AIG1: variants seen among roughly 807,000 people sequenced by gnomAD.
AIG1 encodes androgen induced 1.
A neutral mutation model predicts 31.4 loss-of-function variants in AIG1; 23 were observed. That is an observed-to-expected ratio of 0.73 (90% confidence interval 0.53 to 1.04). The LOEUF is 1.04. Among genes scored for constraint, AIG1 ranks in the 50% least tolerant of loss-of-function variants. The pLI is 0.00. For synonymous variants in AIG1, 100 were observed against 110.5 expected (o/e 0.90, Z 0.60); for missense variants, 274 against 295.0 (o/e 0.93, Z 0.52).
intron 3 of AIG1, among the ~76,000 whole-genome samples, chr6:143,265,326 A>G (rs1796082195): frequency 6.6e-6 from 1 of 152,252 alleles, no homozygotes. Context: ...TCTTTGTTAA[A>G]TAATCGTCAT....
chr6:143,124,698 A>G (rs1782542636), intron 1 of AIG1, among the ~76,000 whole-genome samples: 1 of 152,190 alleles, frequency 6.6e-6, no homozygotes, highest in Non-Finnish European at 1.5e-5. Flanking sequence ...AGGTCTCAGG[A>G]AACTTACAAT....
At chr6:143,063,420 G>A (rs1315190888) in intron 1 of AIG1, among the ~76,000 whole-genome samples, 1 of 152,188 alleles carries the variant, frequency 6.6e-6, no homozygotes, top group Non-Finnish European at 1.5e-5. Flanking sequence ...CTGTGAGAAA[G>A]TATGTCTGAG....
chr6:143,165,989 T>C (rs888593833), intron 3 of AIG1, among the ~76,000 whole-genome samples: 1 of 152,084 alleles, frequency 6.6e-6, no homozygotes, highest in East Asian at 1.9e-4. Context: ...TCCCAGGGTG[T>C]TCCTGGTGAA....
At chr6:143,114,843 C>T (rs192147642) in intron 1 of AIG1, among the ~76,000 whole-genome samples, 2 of 152,248 alleles carry the variant, frequency 1.3e-5, no homozygotes, top group East Asian at 3.9e-4. Context: ...TTTTCTGTGC[C>T]TCTACTTCTT....
intron 3 of AIG1, among the ~76,000 whole-genome samples, chr6:143,273,158 G>C (rs1457208454): frequency 6.6e-6 from 1 of 152,184 alleles, no homozygotes; most frequent in Non-Finnish European, 1.5e-5. Flanking sequence ...ATATTTTAAA[G>C]AAGAGAACCA....
At position 143,312,649 on chromosome 6, in the gene AIG1, C is replaced by T. The variant is rs566871802; in HGVS notation, c.516-20633C>T. On this transcript the variant is annotated intron_variant, in intron 4 of 5. Coordinates refer to ENST00000357847, the MANE Select transcript of AIG1 (RefSeq NM_016108.4). Reference sequence around the variant, plus strand: ...AAATTCTCTAGGACATTGGACTGGCCAAAGATTTCTTGAGATACCCTACAA... The same window carrying T: ...AAATTCTCTAGGACATTGGACTGGCTAAAGATTTCTTGAGATACCCTACAA... 3.9e-5 allele frequency among the ~76,000 whole-genome samples: 6 copies of T among 151,916 alleles called. No homozygotes were observed. In the South Asian group the frequency reaches 1.2e-3, roughly 32 times the overall value.
intron 2 of AIG1, among the ~76,000 whole-genome samples, chr6:143,142,816 T>G (rs763179041): frequency 1.3e-5 from 2 of 152,218 alleles, no homozygotes; most frequent in Non-Finnish European, 2.9e-5. Context: ...AATGGGACTG[T>G]ATGGTATCTG....
intron 3 of AIG1, among the ~76,000 whole-genome samples, chr6:143,217,235 CTG>C (rs1214495606): frequency 1.3e-5 from 2 of 152,138 alleles, no homozygotes; most frequent in Non-Finnish European, 2.9e-5. Context: ...CTTCCAATCA[CTG>C]TGTTTTTTTG....
chr6:143,229,784 C>CAAAAAAAAAAAAAAAAAAAAAAAAA (rs751464049), intron 3 of AIG1, among the ~76,000 whole-genome samples: 1 of 80,712 alleles, frequency 1.2e-5, no homozygotes, highest in Non-Finnish European at 2.9e-5. Context: ...ACTCTCAGAA[C>CAAAAAAAAAAAAAAAAAAAAAAAAA]AAAAAAAAAA....
intron 1 of AIG1, among the ~76,000 whole-genome samples, chr6:143,111,658 C>G (rs1781287334): frequency 6.6e-6 from 1 of 152,242 alleles, no homozygotes; most frequent in Non-Finnish European, 1.5e-5. Flanking sequence ...TTGGACCTCT[C>G]CATTTGAGTG....
intron 4 of AIG1, among the ~76,000 whole-genome samples, chr6:143,289,074 T>C (rs951029457): frequency 2.6e-5 from 4 of 152,104 alleles, no homozygotes; most frequent in African/African-American, 7.2e-5. Flanking sequence ...AGAGAATGGA[T>C]GGTAAATGTC....
In AIG1 at chr6:143,076,964, CCCGG is replaced by C. The variant is rs781307500; in HGVS notation, c.141+15901_141+15904del. Reference sequence around the variant, plus strand: ...GGGATTACAGGTGTGAGCGACCGTGCCCGGCCTTGAATATTTTTTAATATTTAAC... The same window carrying C: ...GGGATTACAGGTGTGAGCGACCGTGCCCTTGAATATTTTTTAATATTTAAC... On this transcript the variant is annotated intron_variant, in intron 1 of 5. Transcript: ENST00000357847. Among the ~76,000 whole-genome samples, 28 of 152,160 alleles carry C rather than the reference CCCGG, an allele frequency of 1.8e-4. 1 individual carries two copies. The highest frequency in any genetic ancestry group is 2.9e-5 in the Non-Finnish European group (2 of 68,028).
In AIG1 at chr6:143,284,089, C is replaced by T. The variant is rs1337843701; in HGVS notation, c.400-21C>T. 6.4e-7 allele frequency: 1 copy of T among 1,559,326 alleles called. No homozygotes were observed. Among genetic ancestry groups the T allele is most frequent in the South Asian group, 1.1e-5 (1 of 89,578 alleles). On this transcript the variant is annotated intron_variant, in intron 3 of 5. Coordinates refer to ENST00000357847, the MANE Select transcript of AIG1 (RefSeq NM_016108.4). This position sits in a 1 kb window ranked among gnomAD's most constrained non-coding sequence, Gnocchi z 4.4. The stretch of plus-strand genomic sequence containing the variant: ...AGACAATGATAGCAATCTGTGTCAC[C>T]TAGTCTCTGTTATTTTCCAGCACAC...
chr6:143,080,356 A>T (rs749249380), intron 1 of AIG1, among the ~76,000 whole-genome samples: 1 of 152,174 alleles, frequency 6.6e-6, no homozygotes, highest in Admixed American at 6.5e-5. Flanking sequence ...TTGAAGAACC[A>T]TTTGTAGTTT....
intron 3 of AIG1, among the ~76,000 whole-genome samples, chr6:143,277,465 C>T (rs1314365354): frequency 6.6e-6 from 1 of 152,198 alleles, no homozygotes; most frequent in African/African-American, 2.4e-5. Flanking sequence ...AAGATATGCA[C>T]GTTGCAAAGA....
intron 3 of AIG1, among the ~76,000 whole-genome samples, chr6:143,197,753 G>A (rs1583483121): frequency 6.6e-6 from 1 of 152,282 alleles, no homozygotes; most frequent in Non-Finnish European, 1.5e-5. Flanking sequence ...CTCACTGTAG[G>A]TCAGGAACAT....
At chr6:143,108,335 G>A (rs2128489035) in intron 1 of AIG1, among the ~76,000 whole-genome samples, 1 of 152,282 alleles carries the variant, frequency 6.6e-6, no homozygotes, top group East Asian at 1.9e-4. Context: ...CTCAATGTAA[G>A]ACAATATCTT....
chr6:143,235,997 G>A (rs546921341), intron 3 of AIG1, among the ~76,000 whole-genome samples: 1 of 152,292 alleles, frequency 6.6e-6, no homozygotes, highest in South Asian at 2.1e-4. Context: ...GAGATGAGAA[G>A]ACCTTCCTAC....
At chr6:143,247,063 CT>C (rs917079154) in intron 3 of AIG1, among the ~76,000 whole-genome samples, 19 of 152,316 alleles carry the variant, frequency 1.2e-4, no homozygotes, top group African/African-American at 4.3e-4. Flanking sequence ...GCATTAACTC[CT>C]CTCTGTGATG....
Sources: allele counts gnomAD v4.1 joint callset (sites outside exome capture counted in the v4.1 genomes callset), GRCh38; gene constraint gnomAD v4.1.1; non-coding constraint Gnocchi (gnomAD v3.1); transcripts MANE v1.5; gene names NCBI Gene and HGNC (gene_info 2026-07-23, HGNC 2026-07-21).